GRM1: variants seen among roughly 807,000 people sequenced by gnomAD.
GRM1 encodes the protein glutamate metabotropic receptor 1.
A neutral mutation model predicts 90.9 loss-of-function variants in GRM1; 33 were observed. The ratio of observed to expected loss-of-function variants is 0.36; its 90% confidence interval spans 0.28 to 0.49. The LOEUF is 0.49. Ranked by LOEUF, GRM1 falls within the 20% of genes least tolerant of loss-of-function variation. The pLI, the probability that GRM1 is intolerant of heterozygous loss-of-function variation, is 0.99. For synonymous variants in GRM1, 700 were observed against 613.2 expected, an observed-to-expected ratio of 1.14 and a Z score of -2.09; for missense variants, 1,190 against 1,534.3, an observed-to-expected ratio of 0.78 and a Z score of 3.75.
intron 1 of GRM1, among the ~76,000 whole-genome samples, chr6:146,040,080 A>G (rs894336042): frequency 2.6e-5 from 4 of 152,028 alleles, no homozygotes; most frequent in African/African-American, 9.7e-5. Context: ...AAGATGGTCA[A>G]GGGCAGTACT....
At chr6:146,030,716 T>C (rs1562414987) in intron 1 of GRM1, among the ~76,000 whole-genome samples, 1 of 152,190 alleles carries the variant, frequency 6.6e-6, no homozygotes, top group Non-Finnish European at 1.5e-5. Flanking sequence ...TTCTTACATA[T>C]CCAAAACTTT....
chr6:146,079,947 T>C (rs1015938843), intron 1 of GRM1, among the ~76,000 whole-genome samples: 1 of 152,154 alleles, frequency 6.6e-6, no homozygotes, highest in East Asian at 1.9e-4. Context: ...TTTGCTCTCA[T>C]CCTCTTCAGT....
chr6:146,177,252 TG>T (rs1173035333), intron 2 of GRM1, among the ~76,000 whole-genome samples: 2 of 152,116 alleles, frequency 1.3e-5, no homozygotes, highest in African/African-American at 2.4e-5. Context: ...TAACTAGAAC[TG>T]ACATGTATTC....
At chr6:146,418,329 T>C (rs1219544027) in intron 7 of GRM1, among the ~76,000 whole-genome samples, 2 of 151,878 alleles carry the variant, frequency 1.3e-5, no homozygotes, top group African/African-American at 4.8e-5. Context: ...TGGTCTGAAT[T>C]ATTAGGTCAT....
intron 2 of GRM1, among the ~76,000 whole-genome samples, chr6:146,258,209 A>C (rs1781559121): frequency 6.6e-6 from 1 of 152,048 alleles, no homozygotes; most frequent in African/African-American, 2.4e-5. Context: ...TTCATGCAAA[A>C]TTTTCTTTGA....
chr6:146,349,345 T>C (rs1400414783), intron 3 of GRM1, among the ~76,000 whole-genome samples: 3 of 151,558 alleles, frequency 2.0e-5, no homozygotes, highest in Non-Finnish European at 2.9e-5. Context: ...CCTCCCAAAG[T>C]GCTGGGATTA....
At chr6:146,217,351 T>G (rs751740503) in intron 2 of GRM1, among the ~76,000 whole-genome samples, 12 of 152,164 alleles carry the variant, frequency 7.9e-5, no homozygotes, top group Non-Finnish European at 1.8e-4. Flanking sequence ...ATACCTTGAG[T>G]TGGTGCATTG....
chr6:146,346,285 T>C (rs1433474166), intron 3 of GRM1, among the ~76,000 whole-genome samples: 1 of 152,194 alleles, frequency 6.6e-6, no homozygotes, highest in Admixed American at 6.5e-5. Context: ...TAGAAAAGTA[T>C]CTGTATTGTT....
At chr6:146,305,996 A>G (rs189747033) in intron 3 of GRM1, among the ~76,000 whole-genome samples, 120 of 152,320 alleles carry the variant, frequency 7.9e-4, no homozygotes, top group Non-Finnish European at 1.5e-3. Context: ...AATAGTATTC[A>G]TAGTTTGATG....
chr6:146,282,452 A>G (rs552171498), intron 2 of GRM1, among the ~76,000 whole-genome samples: 5 of 152,238 alleles, frequency 3.3e-5, no homozygotes, highest in Admixed American at 2.6e-4. Context: ...CCTGGCTCAT[A>G]GCAGCCACTC....
chr6:146,122,792 AG>A (rs1378650446), intron 1 of GRM1, among the ~76,000 whole-genome samples: 1 of 143,278 alleles, frequency 7.0e-6, no homozygotes, highest in Non-Finnish European at 1.6e-5. Flanking sequence ...TTTAGTTTAA[AG>A]TTTTCTGTGA....
chr6:146,159,686 C>G (rs1777648547), intron 2 of GRM1, 89 bp downstream of exon 2: 2 of 1,346,338 alleles, frequency 1.5e-6, no homozygotes, highest in Admixed American at 3.8e-5. Flanking sequence ...CATATGCTTG[C>G]TTTCACAAAA....
intron 2 of GRM1, among the ~76,000 whole-genome samples, chr6:146,251,760 T>C (rs969778471): frequency 6.6e-6 from 1 of 152,222 alleles, no homozygotes; most frequent in African/African-American, 2.4e-5. Flanking sequence ...TGGCTTCCTA[T>C]CTCATTCAAA....
chr6:146,037,110 T>C (rs2128838799), intron 1 of GRM1, among the ~76,000 whole-genome samples: 1 of 152,106 alleles, frequency 6.6e-6, no homozygotes, highest in Non-Finnish European at 1.5e-5. Context: ...TACCATGTTA[T>C]ATTCCTCACA....
chr6:146,371,811 G>A (rs1165022927), intron 5 of GRM1, among the ~76,000 whole-genome samples: 1 of 151,972 alleles, frequency 6.6e-6, no homozygotes, highest in Non-Finnish European at 1.5e-5. Flanking sequence ...CTTTTTTATG[G>A]CTGTATAATA....
At chr6:146,207,599 GA>G (rs1475990073) in intron 2 of GRM1, among the ~76,000 whole-genome samples, 1 of 152,142 alleles carries the variant, frequency 6.6e-6, no homozygotes, top group Non-Finnish European at 1.5e-5. Context: ...TTTTTCTGCA[GA>G]GAGGAGTAAT....
intron 2 of GRM1, among the ~76,000 whole-genome samples, chr6:146,209,029 C>A (rs1018487114): frequency 2.6e-5 from 4 of 151,952 alleles, no homozygotes; most frequent in Non-Finnish European, 5.9e-5. Flanking sequence ...AAAACGATAT[C>A]ATATTTATTA....
intron 1 of GRM1, among the ~76,000 whole-genome samples, chr6:146,054,472 C>T (rs1359578752): frequency 6.6e-6 from 1 of 151,900 alleles, no homozygotes; most frequent in African/African-American, 2.4e-5. Context: ...TCTGCTTTTC[C>T]TGACCAGCTT....
chr6:146,227,386 T>C (rs1298466026), intron 2 of GRM1, among the ~76,000 whole-genome samples: 1 of 152,162 alleles, frequency 6.6e-6, no homozygotes, highest in Non-Finnish European at 1.5e-5. Context: ...TAATTTACAC[T>C]AGGGTTTACT....
Sources: gnomAD v4.1 joint callset for allele counts (sites outside exome capture counted in the v4.1 genomes callset) on GRCh38, gnomAD v4.1.1 for gene constraint, MANE v1.5 for transcripts, NCBI Gene and HGNC (gene_info 2026-07-23, HGNC 2026-07-21) for gene names.